The following CACNA1B variants were observed in gnomAD, a reference collection of about 807,000 sequenced individuals.
The protein encoded by CACNA1B is calcium voltage-gated channel subunit alpha1 B, also known as voltage-dependent N-type calcium channel subunit alpha-1B.
CACNA1B carries 70 observed loss-of-function variants against 247.2 expected under a neutral mutation model. The observed-to-expected ratio is 0.28, with a 90% CI of 0.23 to 0.35. The LOEUF (loss-of-function observed/expected upper bound fraction) is 0.35. Ranked by LOEUF, CACNA1B falls within the 10% of genes least tolerant of loss-of-function variation. The pLI is 1.00. For synonymous variants in CACNA1B, 1,231 were observed against 1,294.4 expected, an observed-to-expected ratio of 0.95 and a Z score of 1.05; for missense variants, 2,367 against 3,197.4, an observed-to-expected ratio of 0.74 and a Z score of 6.26.
chr9:138,104,869 C>T (rs1023361416), intron 38 of CACNA1B, among the ~76,000 whole-genome samples: 1 of 152,240 alleles, frequency 6.6e-6, no homozygotes, highest in Non-Finnish European at 1.5e-5. Context: ...TTCTTAGAGC[C>T]TGGGTCTCTG....
intron 31 of CACNA1B, among the ~76,000 whole-genome samples, chr9:138,066,954 A>T (rs1959941055): frequency 6.6e-6 from 1 of 152,216 alleles, no homozygotes. Flanking sequence ...TTCTTTAAAG[A>T]CTTAAAAATT....
chr9:137,982,454 C>A (rs1195263070), intron 12 of CACNA1B, among the ~76,000 whole-genome samples: 1 of 152,170 alleles, frequency 6.6e-6, no homozygotes, highest in Non-Finnish European at 1.5e-5. Flanking sequence ...GGTGACATCC[C>A]ATCACTTTTG....
intron 3 of CACNA1B, among the ~76,000 whole-genome samples, chr9:137,900,627 G>A (rs1019045220): frequency 2.0e-5 from 3 of 150,382 alleles, no homozygotes; most frequent in Non-Finnish European, 3.0e-5. Context: ...CTGTGTATGT[G>A]TGTCTCTGTG....
intron 15 of CACNA1B, among the ~76,000 whole-genome samples, chr9:138,003,742 C>T (rs1219543340): frequency 1.3e-5 from 2 of 150,414 alleles, no homozygotes; most frequent in African/African-American, 4.9e-5. Context: ...TCTAAGGGCC[C>T]CTGGGCAGGA....
In CACNA1B at chr9:137,955,869, C is replaced by G. The variant is rs952212267; in HGVS notation, c.1186+56C>G. On this transcript the variant is annotated intron_variant, in intron 8 of 46. Coordinates refer to ENST00000371372, the MANE Select transcript of CACNA1B (RefSeq NM_000718.4). This position sits in a 1 kb window ranked among gnomAD's most constrained non-coding sequence, Gnocchi z 6.9. ...GGCCGGCCACTGTTAGTTCTCTGTC[C>G]CCAATTCTGCTCTGCTGCCAGCTGG... The G allele has an allele frequency of 8.5e-7, 1 of 1,175,658 alleles. No homozygotes were observed. The highest frequency in any genetic ancestry group is 2.5e-5 in the East Asian group (1 of 39,482). 72.8% of individuals were successfully genotyped at this position (1,175,658 alleles called of 1,614,324 possible). A position where few individuals can be genotyped will look rare whatever the true frequency, so the allele number is the denominator to read the frequency against.
intron 44 of CACNA1B, among the ~76,000 whole-genome samples, chr9:138,119,651 G>T (rs982845609): frequency 6.6e-6 from 1 of 151,964 alleles, no homozygotes; most frequent in African/African-American, 2.4e-5. Flanking sequence ...CTCTTTCCCC[G>T]CCCAGTGGTA....
At chr9:138,079,039 T>A (rs915700777) in intron 36 of CACNA1B, among the ~76,000 whole-genome samples, 3 of 152,126 alleles carry the variant, frequency 2.0e-5, no homozygotes, top group African/African-American at 4.8e-5. Context: ...TTCGGTGTGT[T>A]CGTGGGGCTG....
chr9:137,903,158 C>A (rs1042526015), intron 3 of CACNA1B, among the ~76,000 whole-genome samples: 3 of 152,018 alleles, frequency 2.0e-5, no homozygotes, highest in African/African-American at 7.3e-5. Flanking sequence ...CTGAGGCGGG[C>A]GGATCACGGG....
Position 138,058,802 on chromosome 9 carries a change from T to TCTCCACTCAGCCTCAG in CACNA1B, c.4473+69_4473+70insCTCCACTCAGCCTCAG. On this transcript the variant is annotated intron_variant, in intron 29 of 46. Coordinates refer to ENST00000371372, the MANE Select transcript of CACNA1B (RefSeq NM_000718.4). The surrounding 1 kb of genome is among the most constrained non-coding windows in gnomAD (Gnocchi z 4.7). Reference sequence around the variant, plus strand: ...ATTGGGATCTAACCCTGAGGCTGAGTGGAGAGTCAGCCTTCTTCCTCCCTG... The same window carrying TCTCCACTCAGCCTCAG: ...ATTGGGATCTAACCCTGAGGCTGAGTCTCCACTCAGCCTCAGGGAGAGTCAGCCTTCTTCCTCCCTG... The TCTCCACTCAGCCTCAG allele has an allele frequency of 2.1e-6, 3 of 1,415,880 alleles. No homozygotes were observed. The highest frequency in any genetic ancestry group is 1.2e-5 in the South Asian group (1 of 80,154). 87.7% of individuals were successfully genotyped at this position (1,415,880 alleles called of 1,614,324 possible). A position where few individuals can be genotyped will look rare whatever the true frequency, so the allele number is the denominator to read the frequency against.
rs114265270 is a variant in CACNA1B at position 138,090,190 on chromosome 9, C to T, written c.5095-6294C>T. Among the ~76,000 whole-genome samples the T allele has an allele frequency of 7.4e-3, 1,119 of 152,152 alleles. 17 individuals carry two copies. Among genetic ancestry groups the T allele is most frequent in the African/African-American group, 0.025 (1,059 of 41,548 alleles). ...TACCAAACTTTGAAACAGCATGGTA[C>T]TGGCATAAAAACAGAAACATAGACC... On this transcript the variant is annotated intron_variant, in intron 36 of 46. Coordinates refer to ENST00000371372, the MANE Select transcript of CACNA1B (RefSeq NM_000718.4).
Position 138,023,552 on chromosome 9 carries a change from GC to G in CACNA1B, c.2810del (p.Ala937GlyfsTer72). On this transcript the variant is annotated frameshift_variant, in exon 19 of 47. Transcript: ENST00000371372. LOFTEE classifies it high-confidence loss of function. ...CGAGCGGGAGCCCCGACGCCACCGC[GC>G]GCACCGGCACCAGGATCCGAGCAAG... Reference protein sequence around the residue: ...AAEREPRRHRAHRHQDPSKEC... With the variant: ...AAEREPRRHRXHRHQDPSKEC... 1 of 1,087,024 alleles carries G rather than the reference GC, an allele frequency of 9.2e-7. No individual in the cohort carries two copies. 67.3% of individuals were successfully genotyped at this position (1,087,024 alleles called of 1,614,324 possible). A position where few individuals can be genotyped will look rare whatever the true frequency, so the allele number is the denominator to read the frequency against.
chr9:137,988,309 T>C (rs1160371883), intron 15 of CACNA1B, among the ~76,000 whole-genome samples: 1 of 151,854 alleles, frequency 6.6e-6, no homozygotes, highest in African/African-American at 2.4e-5. Context: ...GGCGACAAGG[T>C]GGCAGGTGTG....
intron 20 of CACNA1B, among the ~76,000 whole-genome samples, chr9:138,036,641 AT>A (rs1270143366): frequency 1.3e-5 from 2 of 151,946 alleles, no homozygotes; most frequent in African/African-American, 4.8e-5. Flanking sequence ...ATTCGTCTAA[AT>A]TTTTTTTCCT....
chr9:137,972,577 G>A (rs1393672336), intron 11 of CACNA1B, among the ~76,000 whole-genome samples: 1 of 152,182 alleles, frequency 6.6e-6, no homozygotes, highest in African/African-American at 2.4e-5. Context: ...GGCCGGCTGA[G>A]CCCTGCTCTG....
chr9:138,077,990 C>T (rs1403519374), intron 35 of CACNA1B, 124 bp from the exon 36 acceptor site: 1 of 725,062 alleles, frequency 1.4e-6, no homozygotes, highest in Non-Finnish European at 2.2e-6. Context: ...GTGACCCAGG[C>T]CTGGCACATG....
intron 20 of CACNA1B, among the ~76,000 whole-genome samples, chr9:138,036,179 G>C (rs556605109): frequency 2.0e-5 from 3 of 150,498 alleles, no homozygotes; most frequent in African/African-American, 7.3e-5. Flanking sequence ...TCGCTCTGTC[G>C]CCCAGGCTGG....
intron 40 of CACNA1B, among the ~76,000 whole-genome samples, chr9:138,114,001 G>A (rs1234281008): frequency 6.6e-6 from 1 of 151,886 alleles, no homozygotes; most frequent in African/African-American, 2.4e-5. Flanking sequence ...AGCGCAGGAA[G>A]GTGCCCAACT....
At chr9:138,043,746 C>T (rs752266593) in intron 20 of CACNA1B, 28 bp from the exon 21 acceptor site, 1 of 1,613,550 alleles carries the variant, frequency 6.2e-7, no homozygotes, top group African/African-American at 1.3e-5. Context: ...CACTACACCC[C>T]TTACTCGGGG....
At chr9:137,992,796 C>CA (rs58721134) in intron 15 of CACNA1B, among the ~76,000 whole-genome samples, 3,553 of 104,634 alleles carry the variant, frequency 0.034, 59 homozygotes, top group Middle Eastern at 0.069. Flanking sequence ...GACTCCGTCT[C>CA]AAAAAAAAAA....
Sources: allele counts gnomAD v4.1 joint callset (sites outside exome capture counted in the v4.1 genomes callset), GRCh38; gene constraint gnomAD v4.1.1; non-coding constraint Gnocchi (gnomAD v3.1); transcripts MANE v1.5; gene names NCBI Gene and HGNC (gene_info 2026-07-23, HGNC 2026-07-21).